PTPRK: variants seen among roughly 807,000 people sequenced by gnomAD.
PTPRK encodes receptor-type tyrosine-protein phosphatase kappa.
Under a neutral mutation model 178.0 loss-of-function variants are expected in PTPRK, and 75 were observed. The observed-to-expected ratio is 0.42, with a 90% CI of 0.35 to 0.51. The LOEUF is 0.51. PTPRK is among the 20% of genes least tolerant of loss of function. The probability of loss-of-function intolerance (pLI) is 0.02; values close to 1 mark genes in which losing one functional copy is unlikely to be tolerated. For missense variants in PTPRK, 1,441 were observed against 1,797.8 expected, an observed-to-expected ratio of 0.80 and a Z score of 3.59; for synonymous variants, 637 against 620.6, an observed-to-expected ratio of 1.03 and a Z score of -0.39.
chr6:128,203,390 C>T (rs548218665), intron 6 of PTPRK, among the ~76,000 whole-genome samples: 1 of 152,288 alleles, frequency 6.6e-6, no homozygotes, highest in South Asian at 2.1e-4. Flanking sequence ...TCATCTCTCA[C>T]CACTCCTATT....
rs1773632781 is a variant in PTPRK at position 127,968,928 on chromosome 6, C to T, written c.*1299G>A. 6.6e-6 allele frequency: 1 copy of T among 152,174 alleles called. No individual in the cohort carries two copies. The highest frequency in any genetic ancestry group is 2.4e-5 in the African/African-American group (1 of 41,446). 9.4% of individuals were successfully genotyped at this position (152,174 alleles called of 1,614,324 possible). On this transcript the variant is annotated 3_prime_UTR_variant, in exon 30 of 30. Coordinates refer to ENST00000368226, the MANE Select transcript of PTPRK (RefSeq NM_002844.4). ...AGCTGATGATGTGAAGTTACAGCTA[C>T]GTGGAGCATGTGAACAAGACCACAT...
At position 128,462,625 on chromosome 6, in the gene PTPRK, TTTTATTTATTTA is replaced by T. The variant is rs201968289; in HGVS notation, c.100+57622_100+57633del. On this transcript the variant is annotated intron_variant, in intron 1 of 29. Transcript: ENST00000368226. ...GCTATCTGGGAAAAAAGTAGGTATATTTTATTTATTTATTTATTTATTTATTTATTTATTTAT... is the reference window on the plus strand; with the variant it reads ...GCTATCTGGGAAAAAAGTAGGTATATTTTATTTATTTATTTATTTATTTAT... Among the ~76,000 whole-genome samples, 790 of 143,006 alleles carry T rather than the reference TTTTATTTATTTA, an allele frequency of 5.5e-3. 6 individuals carry two copies. The highest frequency in any genetic ancestry group is 0.018 in the African/African-American group (685 of 38,066). The allele number at this position is 143,006 out of a possible 152,430, so 93.8% of individuals were successfully genotyped here.
chr6:128,088,859 C>T (rs978350204), intron 8 of PTPRK, among the ~76,000 whole-genome samples: 1 of 152,082 alleles, frequency 6.6e-6, no homozygotes, highest in African/African-American at 2.4e-5. Context: ...CTAATAAAGG[C>T]CATTATATTA....
intron 13 of PTPRK, among the ~76,000 whole-genome samples, chr6:128,018,054 A>G (rs1779816427): frequency 6.6e-6 from 1 of 151,468 alleles, no homozygotes; most frequent in South Asian, 2.1e-4. Context: ...AATACCAGTT[A>G]ATCATTTTCC....
At chr6:128,148,431 C>G (rs901272535) in intron 7 of PTPRK, among the ~76,000 whole-genome samples, 1 of 152,084 alleles carries the variant, frequency 6.6e-6, no homozygotes, top group African/African-American at 2.4e-5. Flanking sequence ...ATAATATATA[C>G]TTCTTCCCTC....
intron 1 of PTPRK, among the ~76,000 whole-genome samples, chr6:128,477,452 T>C (rs975282768): frequency 1.3e-5 from 2 of 152,034 alleles, no homozygotes; most frequent in African/African-American, 4.8e-5. Context: ...TTCTGTACCC[T>C]ATACACAGTT....
At chr6:128,109,943 T>C (rs1187907821) in intron 7 of PTPRK, among the ~76,000 whole-genome samples, 1 of 152,130 alleles carries the variant, frequency 6.6e-6, no homozygotes, top group African/African-American at 2.4e-5. Context: ...TCTTGCTCTG[T>C]TGCCCTAGCT....
intron 3 of PTPRK, among the ~76,000 whole-genome samples, chr6:128,252,818 G>A (rs1816685027): frequency 6.6e-6 from 1 of 152,140 alleles, no homozygotes; most frequent in Non-Finnish European, 1.5e-5. Flanking sequence ...ACACAAATTA[G>A]GAGGTTTCTC....
intron 1 of PTPRK, among the ~76,000 whole-genome samples, chr6:128,397,972 T>C (rs537045103): frequency 1.3e-5 from 2 of 152,166 alleles, no homozygotes; most frequent in Admixed American, 6.5e-5. Context: ...CAGGCTTTCT[T>C]GAAATATACA....
Position 128,067,564 on chromosome 6 carries a change from G to A in PTPRK, c.2112C>T (p.Arg704=), listed in dbSNP as rs960068614. Residue 704 remains arginine (R), a synonymous_variant, in exon 12 of 30, where the codon CGC becomes CGT. Transcript: ENST00000368226. The stretch of plus-strand genomic sequence containing the variant: ...CCTGGAAATAGATGTTGTATCCTTT[G>A]CGCGGAGCCAAAGGAGGGTTCCAAA... ...QGFWNPPLAP[R]KGYNIYFQAM... 41 of 1,609,388 alleles carry A rather than the reference G, an allele frequency of 2.5e-5. No individual in the cohort carries two copies. Among genetic ancestry groups the A allele is most frequent in the Non-Finnish European group, 3.3e-5 (39 of 1,176,886 alleles).
At chr6:127,999,633 C>T (rs1412977779) in intron 15 of PTPRK, among the ~76,000 whole-genome samples, 1 of 152,036 alleles carries the variant, frequency 6.6e-6, no homozygotes, top group African/African-American at 2.4e-5. Context: ...TCTTTTCTGG[C>T]CCCTCCAGGT....
chr6:128,409,421 G>T (rs767752256), intron 1 of PTPRK: 23 of 402,036 alleles, frequency 5.7e-5, no homozygotes, highest in Non-Finnish European at 1.0e-4. Context: ...ATCTGGAAGG[G>T]ATGGGTTTAT....
chr6:127,973,490 GA>G (rs1410346348), intron 28 of PTPRK, among the ~76,000 whole-genome samples, 173 bp downstream of exon 28: 1 of 152,116 alleles, frequency 6.6e-6, no homozygotes, highest in Non-Finnish European at 1.5e-5. Context: ...TCAATATTTA[GA>G]AAATATACAA....
intron 7 of PTPRK, among the ~76,000 whole-genome samples, chr6:128,141,444 G>T (rs929803620): frequency 5.3e-5 from 8 of 151,616 alleles, no homozygotes; most frequent in Non-Finnish European, 1.2e-4. Context: ...TCTTCTAAAA[G>T]ACATAAATAT....
At chr6:127,999,034 TATC>T (rs772293990) in intron 15 of PTPRK, 130 bp from the exon 16 acceptor site, 63 of 775,126 alleles carry the variant, frequency 8.1e-5, no homozygotes, top group Non-Finnish European at 1.2e-4. Context: ...GGGAAAGAAA[TATC>T]ATACAGTATA....
At chr6:128,101,844 A>C (rs1788842267) in intron 7 of PTPRK, among the ~76,000 whole-genome samples, 1 of 152,202 alleles carries the variant, frequency 6.6e-6, no homozygotes, top group Admixed American at 6.5e-5. Context: ...CCATCTAATC[A>C]GAATACATTC....
chr6:128,161,751 C>G (rs1798741253), intron 7 of PTPRK, among the ~76,000 whole-genome samples: 1 of 151,552 alleles, frequency 6.6e-6, no homozygotes, highest in Non-Finnish European at 1.5e-5. Context: ...GTACACTGTA[C>G]TCTTATATGC....
At chr6:128,249,158 A>T (rs751983397) in intron 3 of PTPRK, among the ~76,000 whole-genome samples, 1 of 152,162 alleles carries the variant, frequency 6.6e-6, no homozygotes, top group Non-Finnish European at 1.5e-5. Flanking sequence ...AGAAAATTGA[A>T]AGGAGTTGAA....
chr6:128,040,919 T>C (rs1777056429), intron 13 of PTPRK, among the ~76,000 whole-genome samples: 1 of 152,200 alleles, frequency 6.6e-6, no homozygotes, highest in South Asian at 2.1e-4. Flanking sequence ...AGAAGCTCAG[T>C]TGAGATCTGT....
Sources: gnomAD v4.1 joint callset for allele counts (sites outside exome capture counted in the v4.1 genomes callset) on GRCh38, gnomAD v4.1.1 for gene constraint, MANE v1.5 for transcripts, NCBI Gene and HGNC (gene_info 2026-07-23, HGNC 2026-07-21) for gene names.